The following RANBP10 variants were observed in gnomAD, a reference collection of about 807,000 sequenced individuals.
RANBP10 encodes RAN binding protein 10.
A neutral mutation model predicts 72.8 loss-of-function variants in RANBP10; 24 were observed. The ratio of observed to expected loss-of-function variants is 0.33; its 90% CI spans 0.24 to 0.46. The LOEUF is 0.46. RANBP10 is among the 20% of genes least tolerant of loss of function. RANBP10 has a pLI of 1.00. For synonymous variants in RANBP10, 310 were observed against 322.3 expected (o/e 0.96, Z 0.41); for missense variants, 679 against 817.5 (o/e 0.83, Z 2.07).
intron 3 of RANBP10, among the ~76,000 whole-genome samples, chr16:67,749,286 T>G (rs888591128): frequency 6.6e-6 from 1 of 152,148 alleles, no homozygotes; most frequent in African/African-American, 2.4e-5. Context: ...ACCCTGAGCT[T>G]TCACATCTTT....
chr16:67,736,310 C>T (rs1180248933), intron 5 of RANBP10, among the ~76,000 whole-genome samples: 1 of 152,014 alleles, frequency 6.6e-6, no homozygotes, highest in Non-Finnish European at 1.5e-5. Context: ...TACAGGCATG[C>T]GCCACCACGC....
chr16:67,776,970 A>G (rs11860715), intron 2 of RANBP10, among the ~76,000 whole-genome samples: 22,396 of 149,250 alleles, frequency 0.15, 3,402 homozygotes, highest in African/African-American at 0.39. Context: ...CTAGCACTTT[A>G]GGAGGCTGAG....
intron 3 of RANBP10, among the ~76,000 whole-genome samples, chr16:67,755,648 C>A (rs992296428): frequency 2.1e-5 from 3 of 146,294 alleles, no homozygotes; most frequent in African/African-American, 7.7e-5. Flanking sequence ...CGCGCCACTG[C>A]ACTCCAGCCC....
rs189721001 is a variant in RANBP10, at chr16:67,736,996, G to T, written c.591+1017C>A. 9.1e-4 allele frequency among the ~76,000 whole-genome samples: 138 copies of T among 152,280 alleles called. No individual in the cohort carries two copies. The Middle Eastern group carries it at 0.01, about 11-fold the overall frequency. On this transcript the variant is annotated intron_variant, in intron 5 of 13. Coordinates refer to ENST00000317506, the MANE Select transcript of RANBP10 (RefSeq NM_020850.3). ...CCAGAACCTAACCAGAACACACAGA[G>T]CCAGGCCAGGCTCCCAGCATCCTGG...
chr16:67,746,653 C>T (rs1425305000), intron 3 of RANBP10, among the ~76,000 whole-genome samples: 1 of 152,102 alleles, frequency 6.6e-6, no homozygotes, highest in African/African-American at 2.4e-5. Flanking sequence ...CCTTTCTCCT[C>T]CAAAAAAAGT....
At chr16:67,735,098 C>G in intron 5 of RANBP10, 56 bp from the exon 6 acceptor site, 1 of 1,441,898 alleles carries the variant, frequency 6.9e-7, no homozygotes. Context: ...GTTCTAAGGC[C>G]TCACCTCACC....
At chr16:67,772,665 G>C (rs1159857356) in intron 2 of RANBP10, among the ~76,000 whole-genome samples, 2 of 152,208 alleles carry the variant, frequency 1.3e-5, no homozygotes, top group East Asian at 3.9e-4. Flanking sequence ...TGATGTGTGA[G>C]GCCCCCAGAG....
intron 2 of RANBP10, among the ~76,000 whole-genome samples, chr16:67,788,405 A>C (rs2143017452): frequency 6.6e-6 from 1 of 151,220 alleles, no homozygotes; most frequent in African/African-American, 2.4e-5. Context: ...GGCGCCCGCC[A>C]CCATGCCCGG....
intron 3 of RANBP10, 54 bp downstream of exon 3, chr16:67,771,980 A>C: frequency 1.3e-6 from 2 of 1,580,722 alleles, no homozygotes; most frequent in Non-Finnish European, 8.6e-7. Context: ...CATGACTCTC[A>C]ACCCCAATTG....
intron 3 of RANBP10, among the ~76,000 whole-genome samples, chr16:67,746,357 T>C (rs1231342699): frequency 6.6e-6 from 1 of 151,390 alleles, no homozygotes; most frequent in Non-Finnish European, 1.5e-5. Context: ...GGTGGATGCC[T>C]GTAGTCCCAG....
At chr16:67,788,605 T>C (rs908090684) in intron 2 of RANBP10, among the ~76,000 whole-genome samples, 2 of 151,612 alleles carry the variant, frequency 1.3e-5, no homozygotes, top group East Asian at 2.0e-4. Flanking sequence ...ATAACCAGGA[T>C]GGTCTTGATC....
intron 2 of RANBP10, among the ~76,000 whole-genome samples, chr16:67,804,479 A>C (rs1412124386): frequency 6.6e-6 from 1 of 151,720 alleles, no homozygotes; most frequent in Non-Finnish European, 1.5e-5. Flanking sequence ...TCAGCTCACT[A>C]CAACCTCCAC....
In RANBP10 at chr16:67,734,997, C is replaced by T. The variant is rs2053814169; in HGVS notation, c.637G>A (p.Val213Met). ...GGCTGCTGCCCAAAGTTGGCGTCCA[C>T]AATCTCCCCAGGTGTCTGCAGGCCT... ...TVGLQTPGEI[V>M]DANFGQQPFL... The change falls in exon 6 of 14, where the codon GTG becomes ATG. Residue 213 changes from valine to methionine, a missense_variant. Physicochemically the swap from Val to Met is conservative, Grantham distance 21. Coordinates refer to ENST00000317506, the MANE Select transcript of RANBP10 (RefSeq NM_020850.3). The T allele has an allele frequency of 2.5e-6, 4 of 1,613,620 alleles. No individual in the cohort carries two copies. The highest frequency in any genetic ancestry group is 3.4e-6 in the Non-Finnish European group (4 of 1,179,720).
chr16:67,797,989 CA>C (rs56801646), intron 2 of RANBP10, among the ~76,000 whole-genome samples: 1,108 of 43,872 alleles, frequency 0.025, 8 homozygotes, highest in African/African-American at 0.061. Flanking sequence ...GACCCTCTCT[CA>C]AAAAAAAAAA....
chr16:67,763,308 G>A (rs556012062), intron 3 of RANBP10: 2 of 152,416 alleles, frequency 1.3e-5, no homozygotes, highest in South Asian at 2.1e-4. Context: ...GCAGAACCAC[G>A]GCTGAGGGAG....
At chr16:67,798,981 A>C (rs1041134057) in intron 2 of RANBP10, among the ~76,000 whole-genome samples, 3 of 152,208 alleles carry the variant, frequency 2.0e-5, no homozygotes, top group African/African-American at 4.8e-5. Context: ...GCTGGAGAGC[A>C]GTGGCGTGAT....
At position 67,726,240 on chromosome 16, in the gene RANBP10, G is replaced by T; in HGVS notation, c.*188C>A. On this transcript the variant is annotated 3_prime_UTR_variant, in exon 14 of 14. Coordinates refer to ENST00000317506, the MANE Select transcript of RANBP10 (RefSeq NM_020850.3). ...CCGCTGCACGTGAAGGGGAGAGAGAGAGAGACTGAGCGGGGTGGTGGGCAG... is the reference window on the plus strand; with the variant it reads ...CCGCTGCACGTGAAGGGGAGAGAGATAGAGACTGAGCGGGGTGGTGGGCAG... 1 of 795,172 alleles carries T rather than the reference G, an allele frequency of 1.3e-6. No individual in the cohort carries two copies. Among genetic ancestry groups the T allele is most frequent in the Non-Finnish European group, 1.9e-6 (1 of 513,440 alleles). The allele number at this position is 795,172 out of a possible 1,614,324, so 49.3% of individuals were successfully genotyped here.
rs777711296 is a variant in RANBP10, at chr16:67,730,457, A to C, written c.890-411T>G. On this transcript the variant is annotated intron_variant, in intron 7 of 13. Transcript: ENST00000317506. The surrounding 1 kb of genome is among the most constrained non-coding windows in gnomAD (Gnocchi z 4.3). ...ACAGACTCCTCTCCTTCCAGGCCTC[A>C]CAGGGGAATGGCAATGGAATCACAC... Among the ~76,000 whole-genome samples, 5 of 152,086 alleles carry C rather than the reference A, an allele frequency of 3.3e-5. No individual in the cohort carries two copies. The highest frequency in any genetic ancestry group is 6.5e-5 in the Admixed American group (1 of 15,274).
In RANBP10 at chr16:67,726,300, A is replaced by G. The variant is rs1470339941; in HGVS notation, c.*128T>C. 1 of 1,389,206 alleles carries G rather than the reference A, an allele frequency of 7.2e-7. No individual in the cohort carries two copies. Among genetic ancestry groups the G allele is most frequent in the Non-Finnish European group, 9.8e-7 (1 of 1,017,430 alleles). 86.1% of individuals were successfully genotyped at this position (1,389,206 alleles called of 1,614,324 possible). ...GGAAGGAAGGAAAGGGAGAGGGGGA[A>G]AGGCCAGGCAGGAGGAGTGGACTCT... On this transcript the variant is annotated 3_prime_UTR_variant, in exon 14 of 14. Transcript: ENST00000317506.
Sources: gnomAD v4.1 joint callset for allele counts (sites outside exome capture counted in the v4.1 genomes callset) on GRCh38, gnomAD v4.1.1 for gene constraint, Gnocchi (gnomAD v3.1) non-coding constraint, MANE v1.5 for transcripts, NCBI Gene and HGNC (gene_info 2026-07-23, HGNC 2026-07-21) for gene names.